The following DISC1 variants were observed in gnomAD, a reference collection of about 807,000 sequenced individuals.
DISC1 encodes the protein DISC1 scaffold protein, also known as disrupted in schizophrenia 1 protein.
In DISC1, 57 loss-of-function variants were observed where a neutral mutation model predicts 84.5. That is an observed-to-expected ratio of 0.67 (90% confidence interval 0.55 to 0.84). The LOEUF (loss-of-function observed/expected upper bound fraction) is 0.84, where lower values mean the gene tolerates loss of function less well. Among genes scored for constraint, DISC1 ranks in the 40% least tolerant of loss-of-function variants. The probability of loss-of-function intolerance (pLI) is 0.00; values close to 1 mark genes in which losing one functional copy is unlikely to be tolerated. For missense variants in DISC1, 1,000 were observed against 1,057.8 expected, an observed-to-expected ratio of 0.95 and a Z score of 0.76; for synonymous variants, 411 against 415.2, an observed-to-expected ratio of 0.99 and a Z score of 0.12.
At chr1:231,803,281 A>G (rs2079422621) in intron 8 of DISC1, among the ~76,000 whole-genome samples, 1 of 152,126 alleles carries the variant, frequency 6.6e-6, no homozygotes, top group Non-Finnish European at 1.5e-5. Flanking sequence ...GGAAATGGAA[A>G]TTTCTTATTC....
chr1:231,801,779 A>G (rs1454988909), intron 8 of DISC1, among the ~76,000 whole-genome samples: 1 of 151,186 alleles, frequency 6.6e-6, no homozygotes, highest in Admixed American at 6.6e-5. Flanking sequence ...TCACTCCATT[A>G]GGTAAGATTC....
At chr1:231,866,518 C>A (rs1293322481) in intron 9 of DISC1, 1 of 810,036 alleles carries the variant, frequency 1.2e-6, no homozygotes, top group South Asian at 1.3e-5. Flanking sequence ...TCACTACTAC[C>A]TTAGGATATA....
At chr1:231,939,128 T>C (rs2091153199) in intron 9 of DISC1, among the ~76,000 whole-genome samples, 1 of 152,242 alleles carries the variant, frequency 6.6e-6, no homozygotes, top group South Asian at 2.1e-4. Context: ...ATTAGCTGTC[T>C]TCCCTCTTGG....
At chr1:231,785,038 T>A (rs1235158328) in intron 6 of DISC1, among the ~76,000 whole-genome samples, 2 of 152,124 alleles carry the variant, frequency 1.3e-5, no homozygotes, top group Non-Finnish European at 2.9e-5. Flanking sequence ...GAATGTCCGA[T>A]GGGTGCCATG....
At position 231,959,572 on chromosome 1, in the gene DISC1, T is replaced by G. The variant is rs939806558; in HGVS notation, c.2042+684T>G. On this transcript the variant is annotated intron_variant, in intron 10 of 12. Coordinates refer to ENST00000439617, the MANE Select transcript of DISC1 (RefSeq NM_018662.3). ...ATTATTTTGGAATTTGTTAAGTAAC[T>G]CTTTAGATAGGCTATGCCTTAAGCC... is the stretch of plus-strand genomic sequence containing the variant. 3 of 875,412 alleles carry G rather than the reference T, an allele frequency of 3.4e-6. No individual in the cohort carries two copies. The African/African-American group carries it at 5.5e-5, about 16-fold the overall frequency. 54.2% of individuals were successfully genotyped at this position (875,412 alleles called of 1,614,324 possible).
At chr1:231,636,508 G>A (rs566919803) in intron 1 of DISC1, among the ~76,000 whole-genome samples, 1 of 152,022 alleles carries the variant, frequency 6.6e-6, no homozygotes, top group Non-Finnish European at 1.5e-5. Flanking sequence ...ATGGAAAAAT[G>A]GACAAATTCT....
chr1:231,659,539 TTGG>T (rs2125356131), intron 1 of DISC1, among the ~76,000 whole-genome samples: 1 of 152,338 alleles, frequency 6.6e-6, no homozygotes, highest in South Asian at 2.1e-4. Flanking sequence ...TTGTTTGCTC[TTGG>T]TTCTCTAGTT....
intron 1 of DISC1, among the ~76,000 whole-genome samples, chr1:231,677,676 G>A (rs2063290062): frequency 1.3e-5 from 2 of 152,216 alleles, no homozygotes; most frequent in African/African-American, 2.4e-5. Flanking sequence ...GGAACTGACC[G>A]AATTAAAATC....
intron 3 of DISC1, among the ~76,000 whole-genome samples, chr1:231,706,001 G>A (rs1050040523): frequency 1.3e-5 from 2 of 152,164 alleles, no homozygotes; most frequent in African/African-American, 2.4e-5. Flanking sequence ...GAAAGAAGCA[G>A]TTGGCACAGA....
At chr1:231,723,095 G>A (rs2070084143) in intron 3 of DISC1, 1 of 1,003,512 alleles carries the variant, frequency 1.0e-6, no homozygotes, top group African/African-American at 1.7e-5. Context: ...GGACGCCTGT[G>A]GATACAGAAA....
intron 3 of DISC1, among the ~76,000 whole-genome samples, chr1:231,711,254 GT>G (rs1394011280): frequency 2.7e-5 from 4 of 150,254 alleles, no homozygotes; most frequent in African/African-American, 9.8e-5. Context: ...ATACAGCCTA[GT>G]TGGAATAAAA....
At chr1:231,943,185 G>A (rs140955055) in intron 9 of DISC1, among the ~76,000 whole-genome samples, 1 of 152,262 alleles carries the variant, frequency 6.6e-6, no homozygotes, top group South Asian at 2.1e-4. Flanking sequence ...GCTTTAAAAT[G>A]TATTATTCAG....
chr1:231,735,872 A>T (rs1284095265), intron 3 of DISC1, among the ~76,000 whole-genome samples: 4 of 152,060 alleles, frequency 2.6e-5, no homozygotes, highest in Non-Finnish European at 5.9e-5. Flanking sequence ...GAGTGCAGTG[A>T]TGTGATATCG....
intron 7 of DISC1, among the ~76,000 whole-genome samples, chr1:231,795,572 G>A (rs1558558877): frequency 6.6e-6 from 1 of 152,232 alleles, no homozygotes; most frequent in Non-Finnish European, 1.5e-5. Context: ...CTGCCACTAT[G>A]CATATTGAAA....
At chr1:232,024,959 A>T (rs16856241) in intron 11 of DISC1, among the ~76,000 whole-genome samples, 1 of 152,178 alleles carries the variant, frequency 6.6e-6, no homozygotes, top group African/African-American at 2.4e-5. Context: ...TTTACATTTA[A>T]GTTTTAATTC....
chr1:231,866,472 G>C, intron 9 of DISC1: 1 of 777,620 alleles, frequency 1.3e-6, no homozygotes, highest in Non-Finnish European at 2.4e-6. Context: ...TTATTACAAG[G>C]CTCCAGGCAC....
intron 9 of DISC1, among the ~76,000 whole-genome samples, chr1:231,844,926 C>CAAAAAAAAA (rs1175955587): frequency 1.5e-5 from 1 of 68,728 alleles, no homozygotes. Flanking sequence ...GACTCTGACT[C>CAAAAAAAAA]AAAAAAAAAA....
chr1:231,916,093 A>G (rs1265047767), intron 9 of DISC1, among the ~76,000 whole-genome samples: 1 of 152,242 alleles, frequency 6.6e-6, no homozygotes, highest in African/African-American at 2.4e-5. Context: ...AAGTCTCACT[A>G]ACTTCCTTTA....
At chr1:231,736,424 T>C (rs1385584867) in intron 3 of DISC1, among the ~76,000 whole-genome samples, 1 of 152,230 alleles carries the variant, frequency 6.6e-6, no homozygotes, top group African/African-American at 2.4e-5. Context: ...TACTTAAAGT[T>C]TCTGAATTTC....
Sources: allele counts gnomAD v4.1 joint callset (sites outside exome capture counted in the v4.1 genomes callset), GRCh38; gene constraint gnomAD v4.1.1; transcripts MANE v1.5; gene names NCBI Gene and HGNC (gene_info 2026-07-23, HGNC 2026-07-21).